Variants in WBP2NL observed in about 807,000 individuals in gnomAD.
WBP2NL encodes WBP2 N-terminal like.
A neutral mutation model predicts 23.3 loss-of-function variants in WBP2NL; 27 were observed. That is an observed-to-expected ratio of 1.16 (90% CI 0.85 to 1.60). The LOEUF is 1.60. WBP2NL is among the 40% of genes most tolerant of loss of function. The pLI is 0.00. For missense variants in WBP2NL, 370 were observed against 389.5 expected (o/e 0.95, Z 0.42); for synonymous variants, 151 against 145.9 (o/e 1.03, Z -0.25).
rs1316480471 is a variant in WBP2NL, at chr22:42,019,725, C to G, written c.235C>G (p.Leu79Val). Reference sequence around the variant, plus strand: ...GTTGTCTTTTATGATGCCATTTGATCTGATGACGAACCTCACTGTTGAACA... The same window carrying G: ...GTTGTCTTTTATGATGCCATTTGATGTGATGACGAACCTCACTGTTGAACA... ...PMLSFMMPFD[L>V]MTNLTVEQPV... The change falls in exon 3 of 6, where the codon CTG becomes GTG. Residue 79 changes from leucine to valine, a missense_variant. Transcript: ENST00000328823. The G allele has an allele frequency of 6.2e-7, 1 of 1,614,190 alleles. No individual in the cohort carries two copies. Among genetic ancestry groups the G allele is most frequent in the Admixed American group, 1.7e-5 (1 of 60,022 alleles).
intron 1 of WBP2NL, among the ~76,000 whole-genome samples, chr22:42,015,321 T>C (rs1923201743): frequency 6.6e-6 from 1 of 152,236 alleles, no homozygotes; most frequent in South Asian, 2.1e-4. Flanking sequence ...AGATGGGCTT[T>C]GTGTGTGTTG....
At chr22:42,045,666 CAG>C (rs1160419854) in intron 8 of WBP2NL, among the ~76,000 whole-genome samples, 1 of 152,126 alleles carries the variant, frequency 6.6e-6, no homozygotes, top group Non-Finnish European at 1.5e-5. Context: ...CAAGAAGAAA[CAG>C]ACAATCTCAA....
At chr22:42,037,962 C>T (rs2146814083) in intron 8 of WBP2NL, among the ~76,000 whole-genome samples, 1 of 152,052 alleles carries the variant, frequency 6.6e-6, no homozygotes, top group Admixed American at 6.6e-5. Flanking sequence ...ACTTGGAAGC[C>T]TCTGTTTTTC....
intron 5 of WBP2NL, among the ~76,000 whole-genome samples, chr22:42,025,817 A>C (rs573376358): frequency 1.3e-5 from 2 of 152,358 alleles, no homozygotes; most frequent in South Asian, 2.1e-4. Flanking sequence ...CAAGGTAATA[A>C]GTAAAACTCA....
chr22:42,052,573 C>G (rs1925875632), intron 8 of WBP2NL, among the ~76,000 whole-genome samples: 1 of 152,210 alleles, frequency 6.6e-6, no homozygotes, highest in Non-Finnish European at 1.5e-5. Context: ...AGCCACTGTG[C>G]CAGGCCTGGA....
chr22:42,030,327 A>G (rs934400054), downstream of WBP2NL, among the ~76,000 whole-genome samples: 1 of 152,264 alleles, frequency 6.6e-6, no homozygotes, highest in African/African-American at 2.4e-5. Context: ...CTTTCCAAAA[A>G]TGAAGACAAG....
intron 4 of WBP2NL, among the ~76,000 whole-genome samples, chr22:42,021,871 A>G (rs1379729450): frequency 1.3e-5 from 2 of 148,208 alleles, no homozygotes; most frequent in Non-Finnish European, 3.0e-5. Flanking sequence ...GATAAGGCTC[A>G]CTGCAGCCTC....
intron 1 of WBP2NL, 101 bp downstream of exon 1, chr22:41,998,981 T>C: frequency 4.4e-6 from 6 of 1,374,708 alleles, no homozygotes; most frequent in Non-Finnish European, 5.9e-6. Flanking sequence ...TTTGCCGCCT[T>C]TTTTGGGCGC....
At chr22:42,014,160 G>A (rs151187227) in intron 1 of WBP2NL, among the ~76,000 whole-genome samples, 180 of 151,710 alleles carry the variant, frequency 1.2e-3, no homozygotes, top group African/African-American at 4.3e-3. Context: ...AGCTCAAGCA[G>A]TCCTCCCGCC....
At chr22:42,005,196 G>T (rs1922105879) in intron 1 of WBP2NL, among the ~76,000 whole-genome samples, 1 of 150,480 alleles carries the variant, frequency 6.6e-6, no homozygotes, top group African/African-American at 2.5e-5. Context: ...CAGCCTGGGT[G>T]ACAGAGTGTA....
intron 8 of WBP2NL, among the ~76,000 whole-genome samples, chr22:42,050,192 A>G (rs1018836715): frequency 2.0e-5 from 3 of 151,960 alleles, no homozygotes; most frequent in African/African-American, 7.3e-5. Flanking sequence ...CTATAGTCCT[A>G]GCTACTCGGG....
At chr22:42,023,883 A>G (rs1265201509) in intron 5 of WBP2NL, among the ~76,000 whole-genome samples, 2 of 152,088 alleles carry the variant, frequency 1.3e-5, no homozygotes, top group Non-Finnish European at 2.9e-5. Flanking sequence ...GGCTCAAGCA[A>G]GTCTATTGCC....
intron 8 of WBP2NL, among the ~76,000 whole-genome samples, chr22:42,043,206 C>G (rs1480333244): frequency 6.6e-6 from 1 of 152,022 alleles, no homozygotes; most frequent in African/African-American, 2.4e-5. Context: ...GTTCATGGAG[C>G]AGTACAGTGT....
At chr22:42,026,695 A>G in intron 5 of WBP2NL, 71 bp from the exon 6 acceptor site, 2 of 1,548,708 alleles carry the variant, frequency 1.3e-6, no homozygotes, top group Non-Finnish European at 1.7e-6. Flanking sequence ...ATTATTTTTT[A>G]AGTTCTTCCT....
At chr22:42,007,498 CTGAG>C (rs1222308066) in intron 1 of WBP2NL, among the ~76,000 whole-genome samples, 4 of 152,202 alleles carry the variant, frequency 2.6e-5, no homozygotes, top group Non-Finnish European at 5.9e-5. Flanking sequence ...TCTCAGTACT[CTGAG>C]TGCCCACTTC....
intron 8 of WBP2NL, among the ~76,000 whole-genome samples, chr22:42,046,764 G>C (rs1925603142): frequency 6.6e-6 from 1 of 152,036 alleles, no homozygotes; most frequent in Non-Finnish European, 1.5e-5. Flanking sequence ...TGTTTTTAAT[G>C]ATGGATAAAC....
At chr22:42,023,354 G>A (rs1490855725) in intron 5 of WBP2NL, among the ~76,000 whole-genome samples, 1 of 151,968 alleles carries the variant, frequency 6.6e-6, no homozygotes, top group Non-Finnish European at 1.5e-5. Context: ...CACCATGCCC[G>A]GCTAATTTTT....
intron 1 of WBP2NL, among the ~76,000 whole-genome samples, chr22:42,003,821 C>T (rs113816086): frequency 2.6e-5 from 4 of 152,258 alleles, no homozygotes; most frequent in African/African-American, 9.6e-5. Flanking sequence ...AAAAGGGCTC[C>T]TATCAGAGCA....
rs1425044092 is a variant in WBP2NL at position 42,027,953 on chromosome 22, T to C, written c.*772T>C. 2.5e-6 allele frequency: 1 copy of C among 398,362 alleles called. No homozygotes were observed. Among genetic ancestry groups the C allele is most frequent in the Non-Finnish European group, 4.4e-6 (1 of 226,008 alleles). 24.7% of individuals were successfully genotyped at this position (398,362 alleles called of 1,614,324 possible). A position where few individuals can be genotyped will look rare whatever the true frequency, so the allele number is the denominator to read the frequency against. On this transcript the variant is annotated 3_prime_UTR_variant, in exon 6 of 6. Transcript: ENST00000328823. Reference sequence around the variant, plus strand: ...AAAAGATGTTCAGCTTGACTAGTGTTAGGGAAATGCAACCTGAGATGAGAA... The same window carrying C: ...AAAAGATGTTCAGCTTGACTAGTGTCAGGGAAATGCAACCTGAGATGAGAA...
Sources: gnomAD v4.1 joint callset for allele counts (sites outside exome capture counted in the v4.1 genomes callset) on GRCh38, gnomAD v4.1.1 for gene constraint, MANE v1.5 for transcripts, NCBI Gene and HGNC (gene_info 2026-07-23, HGNC 2026-07-21) for gene names.